CNIH3: variants seen among roughly 807,000 people sequenced by gnomAD.
The protein encoded by CNIH3 is cornichon family AMPA receptor auxiliary protein 3.
A neutral mutation model predicts 24.1 loss-of-function variants in CNIH3; 14 were observed. The observed-to-expected ratio is 0.58, with a 90% CI of 0.38 to 0.91. The LOEUF (loss-of-function observed/expected upper bound fraction) is 0.91, where lower values mean the gene tolerates loss of function less well. CNIH3 is among the 40% of genes least tolerant of loss of function. The pLI is 0.00. For missense variants in CNIH3, 178 were observed against 196.8 expected (o/e 0.90, Z 0.57); for synonymous variants, 68 against 73.8 (o/e 0.92, Z 0.40).
chr1:224,721,889 C>T (rs895467035), intron 3 of CNIH3, among the ~76,000 whole-genome samples: 5 of 152,136 alleles, frequency 3.3e-5, no homozygotes, highest in African/African-American at 1.2e-4. Flanking sequence ...AGGAATATGC[C>T]AAAGCCAGCC....
intron 1 of CNIH3, among the ~76,000 whole-genome samples, chr1:224,672,997 C>A (rs572490026): frequency 6.6e-6 from 1 of 152,294 alleles, no homozygotes; most frequent in South Asian, 2.1e-4. Flanking sequence ...CTCCGAGTCC[C>A]TGGGTATGAC....
chr1:224,622,948 T>C (rs936422432), intron 1 of CNIH3, among the ~76,000 whole-genome samples: 4 of 152,250 alleles, frequency 2.6e-5, no homozygotes, highest in Non-Finnish European at 5.9e-5. Flanking sequence ...CTGTGCTATC[T>C]GGATGGTGCC....
rs57247814 is a variant in CNIH3 at position 224,640,811 on chromosome 1, C to T, written c.81+23556C>T. ...CTGCCAAGATTCCCCTTGTGTGTGT[C>T]ACCCCTGAGACATGGCTGAGTGGTC... On this transcript the variant is annotated intron_variant, in intron 1 of 5. Transcript: ENST00000272133. 2.2e-3 allele frequency among the ~76,000 whole-genome samples: 333 copies of T among 152,160 alleles called. 4 individuals are homozygous for T. In the East Asian group the frequency reaches 0.028, roughly 13 times the overall value.
chr1:224,539,755 G>C (rs1272359343), downstream of CNIH3, among the ~76,000 whole-genome samples: 1 of 152,040 alleles, frequency 6.6e-6, no homozygotes, highest in Non-Finnish European at 1.5e-5. Context: ...ACCTTTCCCT[G>C]TGCCACCTAG....
intron 4 of CNIH3, among the ~76,000 whole-genome samples, chr1:224,579,193 A>AT (rs1177592457): frequency 6.6e-6 from 1 of 150,474 alleles, no homozygotes; most frequent in Non-Finnish European, 1.5e-5. Context: ...TAAGAACGCC[A>AT]TTTTTGAGGT....
chr1:224,518,721 G>A (rs936599774), intron 1 of CNIH3, among the ~76,000 whole-genome samples: 4 of 152,260 alleles, frequency 2.6e-5, no homozygotes, highest in South Asian at 2.1e-4. Context: ...CATGCAGGGC[G>A]GGAGGACTAG....
intron 1 of CNIH3, among the ~76,000 whole-genome samples, chr1:224,671,746 G>T (rs1389795014): frequency 6.6e-6 from 1 of 152,236 alleles, no homozygotes; most frequent in East Asian, 1.9e-4. Context: ...TTTTAGAAAA[G>T]GGAGTGGATT....
intron 3 of CNIH3, among the ~76,000 whole-genome samples, chr1:224,596,443 T>C (rs758811085): frequency 2.0e-5 from 3 of 152,228 alleles, no homozygotes; most frequent in Non-Finnish European, 4.4e-5. Context: ...TGTACTTAGT[T>C]ATCCAAGAGT....
chr1:224,608,466 C>T (rs1002454665), intron 3 of CNIH3, among the ~76,000 whole-genome samples: 4 of 152,066 alleles, frequency 2.6e-5, no homozygotes, highest in South Asian at 2.1e-4. Context: ...GTGAGAGGGT[C>T]GTAATCGATT....
rs144340239 is a variant in CNIH3, at chr1:224,508,736, C to A, written n.204-7005C>A. 2.9e-3 allele frequency among the ~76,000 whole-genome samples: 435 copies of A among 152,302 alleles called. 2 individuals carry two copies. The highest frequency in any genetic ancestry group is 0.019 in the South Asian group (92 of 4,826). On this transcript the variant is annotated intron_variant and non_coding_transcript_variant, in intron 1 of 5. Coordinates refer to the CNIH3 transcript ENST00000471578. ...AATATAGTACAACTCTAACTTCCAG[C>A]TTCTCCCACTAATCATATATGGTTT...
intron 1 of CNIH3, among the ~76,000 whole-genome samples, chr1:224,621,118 A>G (rs1161756171): frequency 6.6e-6 from 1 of 152,218 alleles, no homozygotes; most frequent in East Asian, 1.9e-4. Flanking sequence ...ACAATTTACA[A>G]ATAAAATTAA....
intron 2 of CNIH3, among the ~76,000 whole-genome samples, chr1:224,546,192 C>A (rs1679697753): frequency 6.6e-6 from 1 of 152,154 alleles, no homozygotes; most frequent in South Asian, 2.1e-4. Context: ...AAGCAGCAAG[C>A]TTTGTTTCAT....
intron 3 of CNIH3, among the ~76,000 whole-genome samples, chr1:224,563,445 A>G (rs1680455196): frequency 6.7e-6 from 1 of 148,442 alleles, no homozygotes; most frequent in South Asian, 2.2e-4. Flanking sequence ...TACTACATTG[A>G]AATATTTTAG....
At chr1:224,646,403 G>GTTTGTT (rs1029352290) in intron 1 of CNIH3, among the ~76,000 whole-genome samples, 1 of 152,178 alleles carries the variant, frequency 6.6e-6, no homozygotes, top group Non-Finnish European at 1.5e-5. Context: ...CATGTTGTTT[G>GTTTGTT]TTTGTTTTTG....
intron 1 of CNIH3, among the ~76,000 whole-genome samples, chr1:224,483,693 C>G (rs1036077208): frequency 6.6e-6 from 1 of 152,012 alleles, no homozygotes; most frequent in South Asian, 2.1e-4. Context: ...CCACCACACC[C>G]GGCTGATTTT....
chr1:224,603,071 C>A (rs1290915342), intron 3 of CNIH3, among the ~76,000 whole-genome samples: 1 of 152,136 alleles, frequency 6.6e-6, no homozygotes, highest in African/African-American at 2.4e-5. Flanking sequence ...AGGGGAAAAG[C>A]AGGCTGGAGG....
chr1:224,454,031 A>G (rs1320539345), intron 1 of CNIH3, among the ~76,000 whole-genome samples: 1 of 152,226 alleles, frequency 6.6e-6, no homozygotes, highest in Non-Finnish European at 1.5e-5. Flanking sequence ...GGTAATCATG[A>G]CAGCACAGCT....
At chr1:224,573,609 C>G (rs1680912520) in intron 4 of CNIH3, among the ~76,000 whole-genome samples, 1 of 152,148 alleles carries the variant, frequency 6.6e-6, no homozygotes, top group South Asian at 2.1e-4. Flanking sequence ...AGTAGTTCAG[C>G]AAATTAACCC....
Position 224,703,388 on chromosome 1 carries a change from A to T in CNIH3, c.198+18545A>T, listed in dbSNP as rs1687608649. Among the ~76,000 whole-genome samples the T allele has an allele frequency of 1.3e-5, 2 of 151,820 alleles. No homozygotes were observed. Among genetic ancestry groups the T allele is most frequent in the African/African-American group, 2.4e-5 (1 of 41,102 alleles). ...ATTAGAATCACCTGGGGGAAATTTT[A>T]AAAATCCTGATGCCCAGAATTCATC... On this transcript the variant is annotated intron_variant, in intron 3 of 5. Coordinates refer to ENST00000272133, the MANE Select transcript of CNIH3 (RefSeq NM_152495.2). This position sits in a 1 kb window ranked among gnomAD's most constrained non-coding sequence, Gnocchi z 4.2.
Sources: allele counts gnomAD v4.1 joint callset (sites outside exome capture counted in the v4.1 genomes callset), GRCh38; gene constraint gnomAD v4.1.1; non-coding constraint Gnocchi (gnomAD v3.1); transcripts MANE v1.5; gene names NCBI Gene and HGNC (gene_info 2026-07-23, HGNC 2026-07-21).